SLC5A5: variants seen among roughly 807,000 people sequenced by gnomAD.
SLC5A5 encodes solute carrier family 5 member 5, also known as sodium/iodide cotransporter.
In SLC5A5, 56 loss-of-function variants were observed where a neutral mutation model predicts 68.6. That is an observed-to-expected ratio of 0.82 (90% CI 0.66 to 1.02). The LOEUF is 1.02. Among genes scored for constraint, SLC5A5 ranks in the 50% least tolerant of loss-of-function variants. The probability of loss-of-function intolerance (pLI) is 0.00; values close to 1 mark genes in which losing one functional copy is unlikely to be tolerated. For synonymous variants in SLC5A5, 398 were observed against 373.0 expected (o/e 1.07, Z -0.77); for missense variants, 807 against 859.8 (o/e 0.94, Z 0.77).
At chr19:17,876,860 C>T (rs1409067999) in intron 5 of SLC5A5, among the ~76,000 whole-genome samples, 1 of 150,924 alleles carries the variant, frequency 6.6e-6, no homozygotes, top group Non-Finnish European at 1.5e-5. Context: ...GACTCCGTCC[C>T]CCCCCTAAAA....
intron 1 of SLC5A5, among the ~76,000 whole-genome samples, chr19:17,873,460 G>GAAA (rs113950818): frequency 7.3e-6 from 1 of 136,774 alleles, no homozygotes; most frequent in African/African-American, 2.7e-5. Context: ...TGTCTCAAAG[G>GAAA]AAAAAAAAAT....
At chr19:17,889,034 G>T (rs1164809070) in intron 13 of SLC5A5, among the ~76,000 whole-genome samples, 1 of 147,572 alleles carries the variant, frequency 6.8e-6, no homozygotes, top group East Asian at 1.9e-4. Flanking sequence ...AAGAAATTAT[G>T]AATATATATA....
chr19:17,885,465 G>A (rs2094331173), intron 12 of SLC5A5, among the ~76,000 whole-genome samples: 1 of 149,766 alleles, frequency 6.7e-6, no homozygotes, highest in East Asian at 2.0e-4. Flanking sequence ...CTGCACCATT[G>A]ACCTCCAGAC....
At chr19:17,893,631 A>G (rs2147758710) in intron 14 of SLC5A5, 82 bp from the exon 15 acceptor site, 1 of 1,410,986 alleles carries the variant, frequency 7.1e-7, no homozygotes, top group South Asian at 1.2e-5. Flanking sequence ...GGTCATCAGT[A>G]GCCCATCTGG....
At chr19:17,874,803 C>A in intron 4 of SLC5A5, 72 bp downstream of exon 4, 2 of 1,462,256 alleles carry the variant, frequency 1.4e-6, no homozygotes, top group Non-Finnish European at 1.9e-6. Flanking sequence ...AGACTCTGGG[C>A]TTGCCCCTTT....
At position 17,883,742 on chromosome 19, in the gene SLC5A5, T is replaced by C. The variant is rs773178513; in HGVS notation, c.1304T>C (p.Met435Thr). ...CTGCTGGGAGCCTTCATCTTGGGAATGTTCCTGCCGGCCTGCAACACACCG... is the reference window on the plus strand; with the variant it reads ...CTGCTGGGAGCCTTCATCTTGGGAACGTTCCTGCCGGCCTGCAACACACCG... ...GPLLGAFILG[M>T]FLPACNTPGV... is the part of the protein sequence containing the mutation. The change falls in exon 11 of 15, where the codon ATG (methionine) becomes ACG (threonine). Residue 435 changes from methionine to threonine, a missense_variant. Met to Thr is a moderately conservative substitution (Grantham distance 81). Transcript: ENST00000222248. The C allele has an allele frequency of 6.2e-6, 10 of 1,604,220 alleles. No homozygotes were observed. The highest frequency in any genetic ancestry group is 1.7e-5 in the Admixed American group (1 of 59,420).
At chr19:17,884,553 C>G (rs1395879546) in intron 12 of SLC5A5, among the ~76,000 whole-genome samples, 2 of 151,676 alleles carry the variant, frequency 1.3e-5, no homozygotes, top group Non-Finnish European at 2.9e-5. Context: ...AGGTGGATCA[C>G]CTGAGGTCAG....
At chr19:17,883,527 G>T (rs563470794) in intron 10 of SLC5A5, among the ~76,000 whole-genome samples, 154 bp from the exon 11 acceptor site, 2 of 151,972 alleles carry the variant, frequency 1.3e-5, no homozygotes, top group African/African-American at 4.8e-5. Flanking sequence ...GAACAAGGGG[G>T]GGGGGTCCTC....
At chr19:17,876,766 G>A (rs1232750469) in intron 5 of SLC5A5, among the ~76,000 whole-genome samples, 1 of 152,088 alleles carries the variant, frequency 6.6e-6, no homozygotes, top group Non-Finnish European at 1.5e-5. Context: ...GGAGGCTGAG[G>A]CAGGAGAATT....
chr19:17,889,627 C>G (rs191584485), intron 13 of SLC5A5, among the ~76,000 whole-genome samples: 69 of 152,220 alleles, frequency 4.5e-4, no homozygotes, highest in Middle Eastern at 3.4e-3. Context: ...TGCGCGCCAA[C>G]GTGCCCGGCT....
intron 5 of SLC5A5, among the ~76,000 whole-genome samples, chr19:17,877,121 G>A (rs2094309354): frequency 6.6e-6 from 1 of 151,592 alleles, no homozygotes; most frequent in South Asian, 2.1e-4. Flanking sequence ...GGAGGCCCTC[G>A]CTGCTCTCTT....
chr19:17,876,948 T>G (rs2094308955), intron 5 of SLC5A5, among the ~76,000 whole-genome samples: 2 of 151,670 alleles, frequency 1.3e-5, no homozygotes, highest in Non-Finnish European at 2.9e-5. Flanking sequence ...GGAGAATCGC[T>G]TGAACCCAGG....
rs942424110 is a variant in SLC5A5, at chr19:17,872,082, C to T, written c.-238C>T. The T allele has an allele frequency of 8.9e-6, 5 of 560,332 alleles. No individual in the cohort carries two copies. The highest frequency in any genetic ancestry group is 3.2e-5 in the Admixed American group (1 of 31,362). The allele number at this position is 560,332 out of a possible 1,614,324, so 34.7% of individuals were successfully genotyped here. ...TGGCAGGACAGACAGACAGCAGGGG[C>T]GGACGCAGAGACAGACAGCGGGGAC... On this transcript the variant is annotated 5_prime_UTR_variant, in exon 1 of 15. Coordinates refer to ENST00000222248, the MANE Select transcript of SLC5A5 (RefSeq NM_000453.3).
At chr19:17,887,666 C>T (rs192613163) in intron 12 of SLC5A5, among the ~76,000 whole-genome samples, 3 of 145,192 alleles carry the variant, frequency 2.1e-5, no homozygotes, top group East Asian at 2.0e-4. Context: ...GGTGTGATCT[C>T]GGCTCACTGC....
At chr19:17,875,119 C>T (rs1314765554) in intron 4 of SLC5A5, among the ~76,000 whole-genome samples, 1 of 152,088 alleles carries the variant, frequency 6.6e-6, no homozygotes, top group African/African-American at 2.4e-5. Flanking sequence ...TCTGTAATCC[C>T]AGCACTTTGG....
intron 4 of SLC5A5, among the ~76,000 whole-genome samples, chr19:17,875,618 A>T (rs7249523): frequency 0.46 from 67,501 of 146,118 alleles, 15,633 homozygotes; most frequent in East Asian, 0.63. Flanking sequence ...TACAAAAAAA[A>T]TTTTTTTTAA....
intron 14 of SLC5A5, among the ~76,000 whole-genome samples, chr19:17,892,695 A>AGAGCGAGC (rs1555755276): frequency 2.0e-5 from 3 of 148,606 alleles, no homozygotes; most frequent in East Asian, 4.4e-4. Context: ...AGAGAGAGAG[A>AGAGCGAGC]GAGCAAGCTA....
intron 14 of SLC5A5, among the ~76,000 whole-genome samples, chr19:17,893,383 G>T (rs573297851): frequency 4.6e-5 from 7 of 152,098 alleles, no homozygotes; most frequent in Non-Finnish European, 7.4e-5. Flanking sequence ...GATTACAGGG[G>T]TGAGCCACCG....
rs1280491030 is a variant in SLC5A5, at chr19:17,874,324, GC to G, written c.423+126del. On this transcript the variant is annotated intron_variant, in intron 2 of 14. Transcript: ENST00000222248. ...CCCCCCATGCTCCCGTTCTGACCCC[GC>G]CCCCATCAGTCCCCTCCCACACCAC... The G allele has an allele frequency of 1.4e-4, 28 of 203,420 alleles. 1 individual carries two copies. In the Admixed American group the frequency reaches 1.5e-3, roughly 11 times the overall value. 12.6% of individuals were successfully genotyped at this position (203,420 alleles called of 1,614,324 possible). A position where few individuals can be genotyped will look rare whatever the true frequency, so the allele number is the denominator to read the frequency against.
Sources: gnomAD v4.1 joint callset for allele counts (sites outside exome capture counted in the v4.1 genomes callset) on GRCh38, gnomAD v4.1.1 for gene constraint, MANE v1.5 for transcripts, NCBI Gene and HGNC (gene_info 2026-07-23, HGNC 2026-07-21) for gene names.